Variants in KPNA3 observed in about 807,000 individuals in gnomAD.
KPNA3 encodes the protein karyopherin subunit alpha 3.
In KPNA3, 13 loss-of-function variants were observed where a neutral mutation model predicts 73.8. The ratio of observed to expected loss-of-function variants is 0.18; its 90% CI spans 0.11 to 0.28. The LOEUF is 0.28. Among genes scored for constraint, KPNA3 ranks in the 10% least tolerant of loss-of-function variants. The pLI is 1.00. For synonymous variants in KPNA3, 186 were observed against 206.9 expected, an observed-to-expected ratio of 0.90 and a Z score of 0.87; for missense variants, 360 against 618.1, an observed-to-expected ratio of 0.58 and a Z score of 4.43.
In KPNA3 at chr13:49,709,683, T is replaced by C. The variant is rs17073322; in HGVS notation, c.921A>G (p.Ala307=). 92,828 of 1,613,668 alleles carry C rather than the reference T, an allele frequency of 0.058. 10,682 individuals carry two copies. Among genetic ancestry groups the C allele is most frequent in the East Asian group, 0.57 (25,655 of 44,812 alleles). The stretch of plus-strand genomic sequence containing the variant: ...CGGTGCCAGTCACTATGTTGCCAAC[T>C]GCTCTGAGGGCTGCTGTCTAGGGTG... The part of the protein sequence containing the change: ...EVKVQTAALR[A]VGNIVTGTDE... Residue 307 remains alanine (A), a synonymous_variant, in exon 12 of 17, where the codon GCA becomes GCG. Coordinates refer to ENST00000261667, the MANE Select transcript of KPNA3 (RefSeq NM_002267.4).
chr13:49,712,402 A>C (rs947013446), intron 10 of KPNA3, among the ~76,000 whole-genome samples: 2 of 152,162 alleles, frequency 1.3e-5, no homozygotes, highest in African/African-American at 4.8e-5. Context: ...TAAAGTGGGA[A>C]TTCTCAGCAA....
At chr13:49,766,145 A>C (rs1954806013) in intron 1 of KPNA3, among the ~76,000 whole-genome samples, 1 of 152,240 alleles carries the variant, frequency 6.6e-6, no homozygotes, top group South Asian at 2.1e-4. Flanking sequence ...TAATAAAAGC[A>C]GCTCGTGTCA....
intron 2 of KPNA3, among the ~76,000 whole-genome samples, chr13:49,746,074 A>T (rs1954614481): frequency 6.6e-6 from 1 of 151,834 alleles, no homozygotes. Flanking sequence ...GAAAAAAAAA[A>T]AAAAAAAAAA....
Position 49,757,176 on chromosome 13 carries a change from T to G in KPNA3, c.70-10183A>C, listed in dbSNP as rs78192269. Among the ~76,000 whole-genome samples the G allele has an allele frequency of 4.0e-3, 608 of 152,216 alleles. 19 individuals are homozygous for G. The East Asian group carries it at 0.086, about 22-fold the overall frequency. On this transcript the variant is annotated intron_variant, in intron 1 of 16. Coordinates refer to ENST00000261667, the MANE Select transcript of KPNA3 (RefSeq NM_002267.4). ...AAAGCATGATCCATAACAGAAATAG[T>G]TGGTAAACTAGACCTCATCAAAATA... is the stretch of plus-strand genomic sequence containing the variant.
At chr13:49,743,040 C>A (rs762036283) in intron 2 of KPNA3, among the ~76,000 whole-genome samples, 7 of 152,012 alleles carry the variant, frequency 4.6e-5, no homozygotes, top group Non-Finnish European at 4.4e-5. Context: ...ATTTGGGAGG[C>A]TGGGGTGGAG....
chr13:49,748,155 T>C (rs1381696854), intron 1 of KPNA3, among the ~76,000 whole-genome samples: 2 of 152,234 alleles, frequency 1.3e-5, no homozygotes, highest in Admixed American at 6.5e-5. Context: ...CAATAAATTA[T>C]GGTTTTGCTT....
rs895593669 is a variant in KPNA3 at position 49,750,110 on chromosome 13, A to G, written c.70-3117T>C. Among the ~76,000 whole-genome samples the G allele has an allele frequency of 8.5e-5, 13 of 152,210 alleles. 1 individual carries two copies. Among genetic ancestry groups the G allele is most frequent in the Non-Finnish European group, 1.9e-4 (13 of 68,038 alleles). On this transcript the variant is annotated intron_variant, in intron 1 of 16. Coordinates refer to ENST00000261667, the MANE Select transcript of KPNA3 (RefSeq NM_002267.4). ...CAACAAAAATTTACTCAATACATTT[A>G]AAATACATTGGGCAATACATTTGCC...
At chr13:49,732,836 C>A (rs1036722659) in intron 3 of KPNA3, 60 bp from the exon 4 acceptor site, 9 of 1,391,826 alleles carry the variant, frequency 6.5e-6, no homozygotes, top group Non-Finnish European at 9.0e-6. Context: ...ATTCATTAAA[C>A]AGTGTACCTG....
Position 49,781,989 on chromosome 13 carries a change from TGGTTACCTTCACA to T in KPNA3, c.69+10436_69+10448del, listed in dbSNP as rs199553750. On this transcript the variant is annotated intron_variant, in intron 1 of 16. Coordinates refer to ENST00000261667, the MANE Select transcript of KPNA3 (RefSeq NM_002267.4). ...TATCTAGCCGGCAGGAATTAACGGA[TGGTTACCTTCACA>T]GTACTTCTGTCAAGATGAATCAATT... Among the ~76,000 whole-genome samples the T allele has an allele frequency of 8.9e-3, 1,348 of 152,302 alleles. 17 individuals are homozygous for T. The highest frequency in any genetic ancestry group is 0.031 in the African/African-American group (1,296 of 41,566).
At chr13:49,772,953 C>A (rs1954867054) in intron 1 of KPNA3, among the ~76,000 whole-genome samples, 1 of 152,166 alleles carries the variant, frequency 6.6e-6, no homozygotes, top group South Asian at 2.1e-4. Flanking sequence ...GTCTTACTTA[C>A]AATTGCCAAA....
At chr13:49,765,055 T>C (rs1279328021) in intron 1 of KPNA3, among the ~76,000 whole-genome samples, 1 of 150,004 alleles carries the variant, frequency 6.7e-6, no homozygotes, top group Non-Finnish European at 1.5e-5. Context: ...CCTTCATCCA[T>C]CCATGTTGCT....
chr13:49,703,120 G>A (rs1011225667), intron 15 of KPNA3, among the ~76,000 whole-genome samples: 9 of 151,266 alleles, frequency 5.9e-5, no homozygotes, highest in African/African-American at 1.9e-4. Flanking sequence ...TGCCCACCTC[G>A]GCCTCCCAAA....
chr13:49,718,815 G>C (rs1243386153), intron 10 of KPNA3, among the ~76,000 whole-genome samples: 1 of 152,112 alleles, frequency 6.6e-6, no homozygotes, highest in Non-Finnish European at 1.5e-5. Flanking sequence ...AAATGAGCTA[G>C]AGTAATGTGA....
intron 1 of KPNA3, among the ~76,000 whole-genome samples, chr13:49,784,630 C>T (rs1257341330): frequency 6.6e-6 from 1 of 152,058 alleles, no homozygotes; most frequent in African/African-American, 2.4e-5. Context: ...TATGTATATA[C>T]CTTAATCTCC....
intron 1 of KPNA3, among the ~76,000 whole-genome samples, chr13:49,750,211 G>A (rs894502912): frequency 6.6e-6 from 1 of 152,128 alleles, no homozygotes; most frequent in Non-Finnish European, 1.5e-5. Context: ...AAATCTGGCA[G>A]GCTATCTGTT....
At chr13:49,708,785 C>A (rs923451342) in intron 12 of KPNA3, among the ~76,000 whole-genome samples, 7 of 152,138 alleles carry the variant, frequency 4.6e-5, no homozygotes, top group African/African-American at 1.7e-4. Flanking sequence ...AGACTTATTA[C>A]ATACTAGTAA....
chr13:49,756,111 A>G (rs1954709016), intron 1 of KPNA3, among the ~76,000 whole-genome samples: 1 of 152,178 alleles, frequency 6.6e-6, no homozygotes, highest in South Asian at 2.1e-4. Flanking sequence ...CTACAAAAAA[A>G]AGCAAAAAAA....
At chr13:49,787,200 C>T (rs1339967138) in intron 1 of KPNA3, among the ~76,000 whole-genome samples, 1 of 152,082 alleles carries the variant, frequency 6.6e-6, no homozygotes, top group African/African-American at 2.4e-5. Flanking sequence ...AAGCATAAAG[C>T]TTAAGTGTTA....
chr13:49,750,663 T>C (rs1416543879), intron 1 of KPNA3, among the ~76,000 whole-genome samples: 1 of 149,604 alleles, frequency 6.7e-6, no homozygotes, highest in Non-Finnish European at 1.5e-5. Flanking sequence ...CAGCACCTGG[T>C]CTAGTGGAAA....
Sources: allele counts gnomAD v4.1 joint callset (sites outside exome capture counted in the v4.1 genomes callset), GRCh38; gene constraint gnomAD v4.1.1; transcripts MANE v1.5; gene names NCBI Gene and HGNC (gene_info 2026-07-23, HGNC 2026-07-21).